TACR3: variants seen among roughly 807,000 people sequenced by gnomAD.
TACR3 encodes the protein tachykinin receptor 3.
Under a neutral mutation model 35.0 loss-of-function variants are expected in TACR3, and 34 were observed. The ratio of observed to expected loss-of-function variants is 0.97; its 90% CI spans 0.74 to 1.30. The LOEUF (loss-of-function observed/expected upper bound fraction) is 1.30, where lower values mean the gene tolerates loss of function less well. Ranked by LOEUF, TACR3 falls within the 50% of genes most tolerant of loss-of-function variation. The probability of loss-of-function intolerance (pLI) is 0.00; values close to 1 mark genes in which losing one functional copy is unlikely to be tolerated. For synonymous variants in TACR3, 233 were observed against 221.1 expected, an observed-to-expected ratio of 1.05 and a Z score of -0.48; for missense variants, 558 against 591.7, an observed-to-expected ratio of 0.94 and a Z score of 0.59.
At chr4:103,696,538 C>T (rs1578261422) in intron 1 of TACR3, among the ~76,000 whole-genome samples, 1 of 152,166 alleles carries the variant, frequency 6.6e-6, no homozygotes, top group East Asian at 1.9e-4. Flanking sequence ...AAAGCATTCT[C>T]CTTTTTTCTA....
At chr4:103,689,115 T>C (rs1016717330) in intron 1 of TACR3, among the ~76,000 whole-genome samples, 17 of 151,072 alleles carry the variant, frequency 1.1e-4, no homozygotes, top group African/African-American at 4.1e-4. Context: ...ATGGATGAAA[T>C]TGGAAATCAT....
chr4:103,592,097 T>G (rs1723910887), intron 3 of TACR3, among the ~76,000 whole-genome samples: 1 of 152,170 alleles, frequency 6.6e-6, no homozygotes, highest in South Asian at 2.1e-4. Context: ...TTTACTAGGC[T>G]GCTAGGGCTG....
chr4:103,606,362 A>G (rs1339086701), intron 3 of TACR3, among the ~76,000 whole-genome samples: 4 of 152,220 alleles, frequency 2.6e-5, no homozygotes, highest in Non-Finnish European at 5.9e-5. Context: ...TTCTGTGAAG[A>G]AAGTCAGTGG....
At chr4:103,687,936 C>G (rs1378356974) in intron 1 of TACR3, among the ~76,000 whole-genome samples, 1 of 152,116 alleles carries the variant, frequency 6.6e-6, no homozygotes, top group East Asian at 1.9e-4. Context: ...GCCCGCATCG[C>G]CAAGTCAGTC....
chr4:103,698,204 G>GAA (rs35661189), intron 1 of TACR3, among the ~76,000 whole-genome samples: 1,828 of 150,852 alleles, frequency 0.012, 41 homozygotes, highest in African/African-American at 0.042. Flanking sequence ...TTAGCTATGG[G>GAA]AAAAAAAAAC....
At chr4:103,620,206 C>T (rs953916962) in intron 3 of TACR3, among the ~76,000 whole-genome samples, 5 of 152,174 alleles carry the variant, frequency 3.3e-5, no homozygotes, top group Non-Finnish European at 5.9e-5. Flanking sequence ...TATCATCTTA[C>T]ACCAGTCAGA....
At chr4:103,712,483 T>G (rs1044951127) in intron 1 of TACR3, among the ~76,000 whole-genome samples, 1 of 152,154 alleles carries the variant, frequency 6.6e-6, no homozygotes, top group Non-Finnish European at 1.5e-5. Flanking sequence ...TCAAGATGGA[T>G]TAAAGACTTA....
intron 3 of TACR3, among the ~76,000 whole-genome samples, chr4:103,598,791 C>G (rs543282728): frequency 6.6e-6 from 1 of 152,248 alleles, no homozygotes; most frequent in East Asian, 1.9e-4. Context: ...TCTGAGGGCT[C>G]TGTTCTGTTC....
At chr4:103,593,584 T>C (rs939847864) in intron 3 of TACR3, among the ~76,000 whole-genome samples, 1 of 152,190 alleles carries the variant, frequency 6.6e-6, no homozygotes, top group Non-Finnish European at 1.5e-5. Context: ...GTTTTCATTG[T>C]TGAATTTGTG....
intron 1 of TACR3, among the ~76,000 whole-genome samples, chr4:103,717,394 A>C (rs1406256153): frequency 6.6e-6 from 1 of 152,170 alleles, no homozygotes; most frequent in Non-Finnish European, 1.5e-5. Flanking sequence ...AGAAATAGTA[A>C]AGATTAATAG....
At chr4:103,700,590 G>A (rs921136697) in intron 1 of TACR3, among the ~76,000 whole-genome samples, 2 of 152,098 alleles carry the variant, frequency 1.3e-5, no homozygotes, top group South Asian at 2.1e-4. Flanking sequence ...AATTCTGGGG[G>A]AAATTATTTT....
rs28794606 is a variant in TACR3 at position 103,689,256 on chromosome 4, C to T, written c.548+29872G>A. Among the ~76,000 whole-genome samples the T allele has an allele frequency of 2.0e-4, 17 of 85,706 alleles. No individual in the cohort carries two copies. In the South Asian group the frequency reaches 2.7e-3, roughly 14 times the overall value. The allele number at this position is 85,706 out of a possible 152,430, so 56.2% of individuals were successfully genotyped here. A position where few individuals can be genotyped will look rare whatever the true frequency, so the allele number is the denominator to read the frequency against. ...CACACTCTGGGGACTGTTGTGGGGT[C>T]GGGGGAGGGGGGCGGGATAGCATTG... On this transcript the variant is annotated intron_variant, in intron 1 of 4. Transcript: ENST00000304883.
intron 1 of TACR3, 137 bp downstream of exon 1, chr4:103,718,988 GTCC>G: frequency 8.4e-7 from 1 of 1,197,236 alleles, no homozygotes; most frequent in Non-Finnish European, 1.2e-6. Flanking sequence ...ATGGGTTAGT[GTCC>G]TCCTTTCAGC....
In TACR3 at chr4:103,672,032, C is replaced by T. The variant is rs189928492; in HGVS notation, c.549-13629G>A. 1.7e-3 allele frequency among the ~76,000 whole-genome samples: 262 copies of T among 152,222 alleles called. 2 individuals are homozygous for T. Among genetic ancestry groups the T allele is most frequent in the African/African-American group, 5.9e-3 (244 of 41,538 alleles). On this transcript the variant is annotated intron_variant, in intron 1 of 4. Coordinates refer to ENST00000304883, the MANE Select transcript of TACR3 (RefSeq NM_001059.3). ...TTTATTATTATTTCAACAATGTTCACAGTATCTTGCCCAGAAGTAGATTCA... is the reference window on the plus strand; with the variant it reads ...TTTATTATTATTTCAACAATGTTCATAGTATCTTGCCCAGAAGTAGATTCA...
At chr4:103,606,110 G>A (rs1164060043) in intron 3 of TACR3, among the ~76,000 whole-genome samples, 1 of 151,736 alleles carries the variant, frequency 6.6e-6, no homozygotes, top group Admixed American at 6.6e-5. Flanking sequence ...GTTTTTGTCA[G>A]GTTTGTCAAA....
chr4:103,617,756 T>C (rs888491293), intron 3 of TACR3, among the ~76,000 whole-genome samples: 2 of 152,110 alleles, frequency 1.3e-5, no homozygotes, highest in African/African-American at 4.8e-5. Context: ...AGCAAGAAAA[T>C]GTATAGCAAA....
intron 1 of TACR3, among the ~76,000 whole-genome samples, chr4:103,718,434 T>C (rs1723138209): frequency 6.6e-6 from 1 of 152,336 alleles, no homozygotes; most frequent in African/African-American, 2.4e-5. Context: ...CAAAGGCACA[T>C]AGAGTTTTTA....
intron 3 of TACR3, among the ~76,000 whole-genome samples, chr4:103,626,044 C>G (rs1371268818): frequency 6.6e-6 from 1 of 152,162 alleles, no homozygotes; most frequent in Non-Finnish European, 1.5e-5. Context: ...GACTTCTAGC[C>G]TCCAAGACAG....
intron 3 of TACR3, among the ~76,000 whole-genome samples, chr4:103,596,189 T>C (rs896209802): frequency 3.1e-4 from 47 of 150,462 alleles, no homozygotes; most frequent in Non-Finnish European, 6.5e-4. Flanking sequence ...TTTGCTATTG[T>C]GAATAGTGCC....
Sources: gnomAD v4.1 joint callset for allele counts (sites outside exome capture counted in the v4.1 genomes callset) on GRCh38, gnomAD v4.1.1 for gene constraint, MANE v1.5 for transcripts, NCBI Gene and HGNC (gene_info 2026-07-23, HGNC 2026-07-21) for gene names.